Variants in IL4I1 observed in about 807,000 individuals in gnomAD.
IL4I1 encodes the protein interleukin 4 induced 1, also known as L-amino-acid oxidase.
Under a neutral mutation model 29.7 loss-of-function variants are expected in IL4I1, and 24 were observed. The observed-to-expected ratio is 0.81, with a 90% confidence interval of 0.59 to 1.14. The LOEUF is 1.14. IL4I1 is among the 50% of genes most tolerant of loss of function. The pLI is 0.00. For synonymous variants in IL4I1, 371 were observed against 352.5 expected, an observed-to-expected ratio of 1.05 and a Z score of -0.59; for missense variants, 686 against 785.6, an observed-to-expected ratio of 0.87 and a Z score of 1.52.
intron 3 of IL4I1, among the ~76,000 whole-genome samples, chr19:49,903,843 T>G (rs1044997319): frequency 9.8e-5 from 14 of 142,464 alleles, no homozygotes; most frequent in African/African-American, 3.5e-4. Context: ...TTTTTTTTTT[T>G]TTTTTTTTTT....
At chr19:49,903,645 G>C (rs1002872817) in intron 3 of IL4I1, among the ~76,000 whole-genome samples, 6 of 152,194 alleles carry the variant, frequency 3.9e-5, no homozygotes, top group Admixed American at 3.3e-4. Flanking sequence ...CTTGGGAGCA[G>C]TGGTGTGCTG....
At chr19:49,897,230 G>A (rs1294257301), upstream of IL4I1, among the ~76,000 whole-genome samples, 3 of 152,160 alleles carry the variant, frequency 2.0e-5, no homozygotes, top group African/African-American at 7.2e-5. Context: ...TTCCCACGGG[G>A]ACAGAGGGGC....
chr19:49,919,216 G>C (rs991235151), intron 2 of IL4I1, among the ~76,000 whole-genome samples: 4 of 152,122 alleles, frequency 2.6e-5, no homozygotes, highest in African/African-American at 4.8e-5. Flanking sequence ...AGCTCAAAAG[G>C]TACAAAAGGG....
At chr19:49,917,008 G>A (rs1266286558) in intron 2 of IL4I1, among the ~76,000 whole-genome samples, 1 of 152,286 alleles carries the variant, frequency 6.6e-6, no homozygotes, top group Non-Finnish European at 1.5e-5. Flanking sequence ...TGACAACGCA[G>A]AGCCCAGATG....
At position 49,890,482 on chromosome 19, in the gene IL4I1, G is replaced by T; in HGVS notation, c.892C>A (p.His298Asn). The change falls in exon 8 of 8, where the codon CAC (histidine) becomes AAC (asparagine). Residue 298 changes from histidine (H) to asparagine (N), a missense_variant. His to Asn is a moderately conservative substitution (Grantham distance 68). Transcript: ENST00000391826. ...VAMTQGPHDVHVQIETSPPAR... is the reference protein window; with the variant it reads ...VAMTQGPHDVNVQIETSPPAR... ...GGGGGAGAGGTCTCGATCTGCACGT[G>T]CACATCGTGCGGTCCCTGGGTCATC... 6.2e-7 allele frequency: 1 copy of T among 1,611,848 alleles called. No individual in the cohort carries two copies. Among genetic ancestry groups the T allele is most frequent in the Non-Finnish European group, 8.5e-7 (1 of 1,179,830 alleles).
At chr19:49,903,830 G>GTTTTTTTTTTT (rs113175852) in intron 3 of IL4I1, among the ~76,000 whole-genome samples, 4 of 66,512 alleles carry the variant, frequency 6.0e-5, no homozygotes, top group African/African-American at 1.9e-4. Context: ...TATGTGCTGG[G>GTTTTTTTTTTT]TTTTTTTTTT....
chr19:49,908,357 G>A, intron 2 of IL4I1: 3 of 1,614,204 alleles, frequency 1.9e-6, no homozygotes, highest in Non-Finnish European at 2.5e-6. Context: ...CCACTGCAGT[G>A]AGTCCATGTG....
chr19:49,905,100 G>A (rs568275697), intron 2 of IL4I1, among the ~76,000 whole-genome samples: 4 of 152,188 alleles, frequency 2.6e-5, no homozygotes, highest in South Asian at 2.1e-4. Context: ...CACCCGCCTC[G>A]GCCTCCCAAA....
At chr19:49,905,636 G>T (rs1004117303) in intron 2 of IL4I1, among the ~76,000 whole-genome samples, 3 of 152,126 alleles carry the variant, frequency 2.0e-5, no homozygotes, top group African/African-American at 7.2e-5. Flanking sequence ...CGCTTTTGTT[G>T]CCTAGGCTGG....
chr19:49,897,145 C>T (rs910209456), upstream of IL4I1, among the ~76,000 whole-genome samples: 2 of 152,176 alleles, frequency 1.3e-5, no homozygotes, highest in Admixed American at 6.5e-5. Flanking sequence ...CGGGGAATCC[C>T]CTTCGGTTTG....
chr19:49,926,320 A>G (rs986719657), intron 2 of IL4I1, among the ~76,000 whole-genome samples: 6 of 151,952 alleles, frequency 3.9e-5, no homozygotes, highest in Admixed American at 6.6e-5. Context: ...ACCTGAAGTC[A>G]GGAGTTCAAG....
intron 7 of IL4I1, 23 bp from the exon 8 acceptor site, chr19:49,890,623 T>C (rs959401442): frequency 6.9e-7 from 1 of 1,441,822 alleles, no homozygotes; most frequent in East Asian, 2.5e-5. Context: ...CGGGGCGGGG[T>C]GGGGGCGTGA....
intron 2 of IL4I1, chr19:49,912,998 C>G (rs953399945): frequency 1.5e-5 from 2 of 131,424 alleles, no homozygotes; most frequent in African/African-American, 5.3e-5. Flanking sequence ...CTCAAGGCAG[C>G]CAGAGTCAAA....
chr19:49,891,426 C>T lies in IL4I1; in HGVS notation c.615G>A (p.Lys205=). ...KALGCRKAMK[K]FERHTLLEYL... is the part of the protein sequence containing the mutation. ...TTACCAAGAGCGTGTGCCTTTCAAA[C>T]TTCTTCATCGCCTTTCTGCAGCCCA... The change falls in exon 6 of 8, where the codon AAG becomes AAA. Residue 205 remains lysine, a synonymous_variant. Coordinates refer to ENST00000391826, the MANE Select transcript of IL4I1 (RefSeq NM_152899.2). The T allele has an allele frequency of 3.7e-6, 6 of 1,614,182 alleles. No individual in the cohort carries two copies. Among genetic ancestry groups the T allele is most frequent in the Non-Finnish European group, 5.1e-6 (6 of 1,180,022 alleles).
chr19:49,907,881 T>C (rs930489890), intron 2 of IL4I1: 12 of 387,738 alleles, frequency 3.1e-5, no homozygotes, highest in Non-Finnish European at 5.3e-5. Flanking sequence ...CACCTATGAC[T>C]ATGCTTTGGA....
At chr19:49,895,536 C>G (rs2075195462) in intron 3 of IL4I1, among the ~76,000 whole-genome samples, 1 of 152,214 alleles carries the variant, frequency 6.6e-6, no homozygotes, top group African/African-American at 2.4e-5. Flanking sequence ...GTTTCCCTCT[C>G]CACCAACAGG....
At chr19:49,926,208 C>CAAAAA (rs33981121) in intron 2 of IL4I1, among the ~76,000 whole-genome samples, 1 of 42,502 alleles carries the variant, frequency 2.4e-5, no homozygotes, top group Non-Finnish European at 4.2e-5. Flanking sequence ...GACTCTGTCT[C>CAAAAA]AAAAAAAAAA....
intron 2 of IL4I1, among the ~76,000 whole-genome samples, chr19:49,918,901 GGGGGGGGCGGGGTGT>G (rs1568715758): frequency 1.3e-5 from 2 of 149,316 alleles, no homozygotes; most frequent in African/African-American, 4.9e-5. Context: ...AGGCTGGGGG[GGGGGGGGCGGGGTGT>G]GGGGGGGCGG....
chr19:49,891,519 A>C, intron 5 of IL4I1, 46 bp from the exon 6 acceptor site: 1 of 1,559,504 alleles, frequency 6.4e-7, no homozygotes, highest in Non-Finnish European at 8.8e-7. Flanking sequence ...CCGGGCAGCC[A>C]GGGTGGAGGC....
Sources: allele counts gnomAD v4.1 joint callset (sites outside exome capture counted in the v4.1 genomes callset), GRCh38; gene constraint gnomAD v4.1.1; transcripts MANE v1.5; gene names NCBI Gene and HGNC (gene_info 2026-07-23, HGNC 2026-07-21).